Variants in SLC5A8 observed in about 807,000 individuals in gnomAD.
SLC5A8 encodes sodium-coupled monocarboxylate transporter 1.
In SLC5A8, 55 loss-of-function variants were observed where a neutral mutation model predicts 71.9. The ratio of observed to expected loss-of-function variants is 0.77; its 90% confidence interval spans 0.62 to 0.96. The LOEUF (loss-of-function observed/expected upper bound fraction) is 0.96. Among genes scored for constraint, SLC5A8 ranks in the 40% least tolerant of loss-of-function variants. SLC5A8 has a pLI of 0.00. For missense variants in SLC5A8, 701 were observed against 745.3 expected, an observed-to-expected ratio of 0.94 and a Z score of 0.69; for synonymous variants, 307 against 276.1, an observed-to-expected ratio of 1.11 and a Z score of -1.11.
chr12:101,169,078 A>G (rs2051801673), intron 10 of SLC5A8, among the ~76,000 whole-genome samples: 1 of 152,216 alleles, frequency 6.6e-6, no homozygotes, highest in South Asian at 2.1e-4. Flanking sequence ...ACTAGTGTTT[A>G]AAAGGATGCG....
At position 101,210,039 on chromosome 12, in the gene SLC5A8, A is replaced by G; in HGVS notation, c.-191T>C. 1 of 503,578 alleles carries G rather than the reference A, an allele frequency of 2.0e-6. No homozygotes were observed. Among genetic ancestry groups the G allele is most frequent in the Non-Finnish European group, 3.4e-6 (1 of 295,100 alleles). 31.2% of individuals were successfully genotyped at this position (503,578 alleles called of 1,614,324 possible). A position where few individuals can be genotyped will look rare whatever the true frequency, so the allele number is the denominator to read the frequency against. On this transcript the variant is annotated 5_prime_UTR_variant, in exon 1 of 15. Coordinates refer to ENST00000536262, the MANE Select transcript of SLC5A8 (RefSeq NM_145913.5). The stretch of plus-strand genomic sequence containing the variant: ...GGTGAGGGCTGGCAGTCGCCCCTGC[A>G]CCCGCCGCTGCGAGCCGCGCCCCTC...
chr12:101,190,446 T>C (rs769977466), intron 6 of SLC5A8, 22 bp downstream of exon 6: 37 of 1,607,688 alleles, frequency 2.3e-5, no homozygotes, highest in Non-Finnish European at 3.0e-5. Flanking sequence ...TAATGATTCA[T>C]ATACCATGGT....
intron 12 of SLC5A8, among the ~76,000 whole-genome samples, chr12:101,164,123 T>C (rs1015064379): frequency 1.3e-5 from 2 of 152,042 alleles, no homozygotes; most frequent in Non-Finnish European, 1.5e-5. Flanking sequence ...CAGAAATAAA[T>C]TAAAATTAAG....
chr12:101,198,293 A>G (rs1869280863), intron 3 of SLC5A8, among the ~76,000 whole-genome samples: 1 of 151,950 alleles, frequency 6.6e-6, no homozygotes, highest in African/African-American at 2.4e-5. Flanking sequence ...AAGAAAAGAA[A>G]CAATAAATAG....
chr12:101,166,342 C>T (rs572092824), intron 12 of SLC5A8, 152 bp downstream of exon 12: 2 of 573,506 alleles, frequency 3.5e-6, no homozygotes, highest in Non-Finnish European at 5.8e-6. Context: ...TTTGTTACCG[C>T]TGCAGAAAAT....
rs1308403228 is a variant in SLC5A8 at position 101,168,138 on chromosome 12, G to A, written c.1278C>T (p.Gly426=). The A allele has an allele frequency of 2.5e-6, 4 of 1,610,182 alleles. No individual in the cohort carries two copies. In the Admixed American group the frequency reaches 5.0e-5, roughly 20 times the overall value. ...GAACCAAAATGCCCAAAGCGAACAG[G>A]CCCATAAGTGGTCCACCAACCATAC... The part of the protein sequence containing the change: ...VFGMVGGPLM[G]LFALGILVPF... Residue 426 remains glycine, a synonymous_variant, in exon 11 of 15, where the codon GGC becomes GGT. Transcript: ENST00000536262.
At chr12:101,196,998 G>A (rs372209741) in intron 3 of SLC5A8, among the ~76,000 whole-genome samples, 68 of 152,246 alleles carry the variant, frequency 4.5e-4, no homozygotes, top group East Asian at 1.7e-3. Context: ...AGGGGGCTCC[G>A]GCTGGATAAA....
chr12:101,164,147 C>CA (rs1197696247), intron 12 of SLC5A8, among the ~76,000 whole-genome samples: 1 of 151,712 alleles, frequency 6.6e-6, no homozygotes, highest in Admixed American at 6.6e-5. Context: ...TTTTGACTGA[C>CA]AAAAAAAGTA....
intron 11 of SLC5A8, 83 bp from the exon 12 acceptor site, chr12:101,166,782 A>T: frequency 8.1e-7 from 1 of 1,240,776 alleles, no homozygotes; most frequent in Non-Finnish European, 1.1e-6. Flanking sequence ...CAAGTTCAAC[A>T]TGGCACGAAA....
intron 13 of SLC5A8, 93 bp from the exon 14 acceptor site, chr12:101,158,421 C>T (rs939797302): frequency 2.0e-5 from 15 of 766,610 alleles, no homozygotes; most frequent in Admixed American, 2.5e-5. Flanking sequence ...AACTTGTTCA[C>T]GTTCAACTCC....
chr12:101,159,220 A>G (rs1477363636), intron 13 of SLC5A8, among the ~76,000 whole-genome samples: 1 of 151,900 alleles, frequency 6.6e-6, no homozygotes, highest in East Asian at 1.9e-4. Flanking sequence ...ACTTTAGTAC[A>G]AATACTAGAC....
At chr12:101,200,621 T>C (rs1037792127) in intron 3 of SLC5A8, among the ~76,000 whole-genome samples, 2 of 152,102 alleles carry the variant, frequency 1.3e-5, no homozygotes, top group Non-Finnish European at 2.9e-5. Context: ...ATTAATATTT[T>C]AGGTACAATG....
In SLC5A8 at chr12:101,209,788, T is replaced by A. The variant is rs779388625; in HGVS notation, c.61A>T (p.Met21Leu). ...VVWDYVVFAGMLVISAAIGIY... is the reference protein window; with the variant it reads ...VVWDYVVFAGLLVISAAIGIY... ...CCGATGGCGGCCGAGATGACCAGCA[T>A]GCCCGCGAACACCACGTAGTCCCAC... The change falls in exon 1 of 15, where the codon ATG becomes TTG. Residue 21 changes from methionine to leucine, a missense_variant. By Grantham distance (15) the Met-to-Leu change is conservative (BLOSUM62 2). Coordinates refer to ENST00000536262, the MANE Select transcript of SLC5A8 (RefSeq NM_145913.5). 1 of 1,607,466 alleles carries A rather than the reference T, an allele frequency of 6.2e-7. No homozygotes were observed.
intron 5 of SLC5A8, among the ~76,000 whole-genome samples, chr12:101,192,044 T>A (rs1455695976): frequency 6.6e-6 from 1 of 152,208 alleles, no homozygotes; most frequent in African/African-American, 2.4e-5. Context: ...AGAGTAGTCA[T>A]TGGTTGTTTC....
At chr12:101,180,135 C>A (rs2051918676) in intron 9 of SLC5A8, 39 bp from the exon 10 acceptor site, 1 of 1,592,238 alleles carries the variant, frequency 6.3e-7, no homozygotes, top group Non-Finnish European at 8.6e-7. Flanking sequence ...AAATCCACAC[C>A]CAGAGAATTA....
At chr12:101,196,423 T>G (rs910915974) in intron 3 of SLC5A8, among the ~76,000 whole-genome samples, 3 of 152,014 alleles carry the variant, frequency 2.0e-5, no homozygotes, top group Non-Finnish European at 2.9e-5. Flanking sequence ...AGCCAAAAAA[T>G]TACTCCTAGG....
rs776465599 is a variant in SLC5A8, at chr12:101,184,120, G to C, written c.1052+14C>G. On this transcript the variant is annotated intron_variant, in intron 8 of 14. Transcript: ENST00000536262. ...AACAGGGAAATCATATGTTATTAGA[G>C]TCATAGTTCATACCTTAATGTCCCA... The C allele has an allele frequency of 6.2e-7, 1 of 1,605,438 alleles. No homozygotes were observed. Among genetic ancestry groups the C allele is most frequent in the Admixed American group, 1.7e-5 (1 of 59,754 alleles).
At position 101,182,944 on chromosome 12, in the gene SLC5A8, A is replaced by G; in HGVS notation, c.1053-29T>C. ...TAAGGGAAAATAAAACTTTTGATTT[A>G]TAATATTTTACCTTTAATAATACTT... On this transcript the variant is annotated intron_variant, in intron 8 of 14. Coordinates refer to ENST00000536262, the MANE Select transcript of SLC5A8 (RefSeq NM_145913.5). The G allele has an allele frequency of 2.3e-6, 3 of 1,309,306 alleles. No homozygotes were observed. In the South Asian group the frequency reaches 4.6e-5, roughly 20 times the overall value. The allele number at this position is 1,309,306 out of a possible 1,614,324, so 81.1% of individuals were successfully genotyped here.
At chr12:101,185,448 A>T (rs957777435) in intron 7 of SLC5A8, among the ~76,000 whole-genome samples, 7 of 152,230 alleles carry the variant, frequency 4.6e-5, no homozygotes, top group African/African-American at 1.7e-4. Flanking sequence ...AGGTAGAACC[A>T]ATGAAATAGG....
Sources: allele counts gnomAD v4.1 joint callset (sites outside exome capture counted in the v4.1 genomes callset), GRCh38; gene constraint gnomAD v4.1.1; transcripts MANE v1.5; gene names NCBI Gene and HGNC (gene_info 2026-07-23, HGNC 2026-07-21).